The following PCDHGB2 variants were observed in gnomAD, a reference collection of about 807,000 sequenced individuals.
PCDHGB2 encodes the protein protocadherin gamma subfamily B, 2.
Under a neutral mutation model 59.3 loss-of-function variants are expected in PCDHGB2, and 55 were observed. That is an observed-to-expected ratio of 0.93 (90% CI 0.75 to 1.16). PCDHGB2 has a LOEUF of 1.16. PCDHGB2 is among the 50% of genes most tolerant of loss of function. PCDHGB2 has a pLI of 0.00. For synonymous variants in PCDHGB2, 516 were observed against 512.0 expected, an observed-to-expected ratio of 1.01 and a Z score of -0.11; for missense variants, 1,228 against 1,198.5, an observed-to-expected ratio of 1.02 and a Z score of -0.36.
At chr5:141,366,907 A>G (rs2149901228) in intron 1 of PCDHGB2, 2 of 1,144,648 alleles carry the variant, frequency 1.7e-6, no homozygotes, top group South Asian at 3.3e-5. Context: ...TGCTTTCTCC[A>G]TTTGTTTTCA....
intron 1 of PCDHGB2, chr5:141,388,942 T>C: frequency 6.2e-7 from 1 of 1,614,004 alleles, no homozygotes; most frequent in African/African-American, 1.3e-5. Flanking sequence ...CTACCCAACC[T>C]AATTATGGAG....
chr5:141,382,783 C>A, intron 1 of PCDHGB2: 1 of 871,086 alleles, frequency 1.1e-6, no homozygotes. Flanking sequence ...TAAACTCAAG[C>A]CTCTATCCTG....
At chr5:141,383,111 GGAC>G in intron 1 of PCDHGB2, 1 of 1,614,040 alleles carries the variant, frequency 6.2e-7, no homozygotes, top group South Asian at 1.1e-5. Context: ...TCCAGAGGTA[GGAC>G]GCAGCTTTTC....
chr5:141,384,283 G>A (rs762515266), intron 1 of PCDHGB2: 1 of 1,613,762 alleles, frequency 6.2e-7, no homozygotes. Context: ...AGTCTACATC[G>A]CTGAGAACAA....
In PCDHGB2 at chr5:141,477,143, G is replaced by T; in HGVS notation, c.2422-17664G>T. On this transcript the variant is annotated intron_variant, in intron 1 of 3. Transcript: ENST00000522605. The surrounding 1 kb of genome is among the most constrained non-coding windows in gnomAD (Gnocchi z 4.9). The stretch of plus-strand genomic sequence containing the variant: ...ACATTGCAAAGTGTTGGTGGAGGTT[G>T]TGGATGTGAATGACAACGCCCCGGA... The T allele has an allele frequency of 6.2e-7, 1 of 1,614,198 alleles. No homozygotes were observed. The highest frequency in any genetic ancestry group is 8.5e-7 in the Non-Finnish European group (1 of 1,180,036).
At position 141,486,637 on chromosome 5, in the gene PCDHGB2, G is replaced by C. The variant is rs761072169; in HGVS notation, c.2422-8170G>C. 28 of 1,613,638 alleles carry C rather than the reference G, an allele frequency of 1.7e-5. No homozygotes were observed. The highest frequency in any genetic ancestry group is 1.1e-5 in the Non-Finnish European group (13 of 1,180,034). ...CTGACCCAGACTCTGGCTTGAATGC[G>C]CTTATCTCCTACTCACTCCTGGAGC... On this transcript the variant is annotated intron_variant, in intron 1 of 3. Transcript: ENST00000522605. This position sits in a 1 kb window ranked among gnomAD's most constrained non-coding sequence, Gnocchi z 5.0.
chr5:141,371,999 C>T (rs1243800762), intron 1 of PCDHGB2: 33 of 1,613,154 alleles, frequency 2.0e-5, no homozygotes, highest in Non-Finnish European at 2.8e-5. Flanking sequence ...TGCAGGCCCG[C>T]GACCAGGGCT....
chr5:141,413,517 G>A (rs1561743187), intron 1 of PCDHGB2: 1 of 1,613,946 alleles, frequency 6.2e-7, no homozygotes. Flanking sequence ...ATATCCTTGT[G>A]GAAGACAGGG....
chr5:141,375,955 C>A, intron 1 of PCDHGB2: 2 of 1,613,498 alleles, frequency 1.2e-6, no homozygotes, highest in Non-Finnish European at 1.7e-6. Flanking sequence ...TGCACACGGG[C>A]GAGGTGCGCA....
chr5:141,426,970 A>G (rs772659046), intron 1 of PCDHGB2: 1 of 456,742 alleles, frequency 2.2e-6, no homozygotes. Context: ...ATTCAAATTG[A>G]GGTCACTGAT....
intron 1 of PCDHGB2, chr5:141,427,312 C>T (rs1438759401): frequency 4.4e-6 from 2 of 456,954 alleles, no homozygotes; most frequent in East Asian, 6.9e-5. Context: ...GACAATGCCC[C>T]AGACGTGGTT....
At chr5:141,478,468 C>A (rs2099457906) in intron 1 of PCDHGB2, 2 of 1,613,800 alleles carry the variant, frequency 1.2e-6, no homozygotes, top group Admixed American at 1.7e-5. Flanking sequence ...CACTGGCCAG[C>A]CGCCAGAACA....
chr5:141,387,829 G>T, intron 1 of PCDHGB2: 2 of 1,591,770 alleles, frequency 1.3e-6, no homozygotes, highest in South Asian at 2.3e-5. Flanking sequence ...CAATACAGAG[G>T]TTATTTGTAA....
chr5:141,441,811 C>A (rs1007948586), intron 1 of PCDHGB2: 2 of 370,710 alleles, frequency 5.4e-6, no homozygotes, highest in African/African-American at 2.2e-5. Flanking sequence ...GTGCTGTACC[C>A]CAGCTCTGGA....
chr5:141,367,098 G>A, intron 1 of PCDHGB2: 1 of 248,510 alleles, frequency 4.0e-6, no homozygotes. Flanking sequence ...TCTTTTGAGT[G>A]TCTGCCTAGA....
At chr5:141,375,902 C>T (rs890373642) in intron 1 of PCDHGB2, 5 of 1,613,666 alleles carry the variant, frequency 3.1e-6, no homozygotes, top group African/African-American at 1.3e-5. Context: ...GCTGTCCTAC[C>T]GCCTGCTCAA....
intron 1 of PCDHGB2, chr5:141,383,154 C>A: frequency 6.2e-7 from 1 of 1,614,112 alleles, no homozygotes; most frequent in South Asian, 1.1e-5. Context: ...GCAGCTTGGT[C>A]ACTGCGGGCA....
intron 1 of PCDHGB2, chr5:141,408,935 G>C (rs773802276): frequency 6.2e-7 from 1 of 1,613,472 alleles, no homozygotes; most frequent in Non-Finnish European, 8.5e-7. Context: ...TTTCAGCAGA[G>C]ACGAATATAG....
intron 1 of PCDHGB2, among the ~76,000 whole-genome samples, chr5:141,363,289 T>C (rs537756758): frequency 6.6e-5 from 10 of 152,254 alleles, no homozygotes; most frequent in Non-Finnish European, 1.5e-4. Flanking sequence ...CCTAATTATA[T>C]AGAATTTTTA....
Sources: gnomAD v4.1 joint callset for allele counts (sites outside exome capture counted in the v4.1 genomes callset) on GRCh38, gnomAD v4.1.1 for gene constraint, Gnocchi (gnomAD v3.1) non-coding constraint, MANE v1.5 for transcripts, NCBI Gene and HGNC (gene_info 2026-07-23, HGNC 2026-07-21) for gene names.